The following TAFA1 variants were observed in gnomAD, a reference collection of about 807,000 sequenced individuals.
TAFA1 encodes TAFA chemokine like family member 1.
In TAFA1, 4 loss-of-function variants were observed where a neutral mutation model predicts 18.5. The ratio of observed to expected loss-of-function variants is 0.22; its 90% CI spans 0.11 to 0.49. TAFA1 has a LOEUF of 0.49. Among genes scored for constraint, TAFA1 ranks in the 20% least tolerant of loss-of-function variants. The pLI, the probability that TAFA1 is intolerant of heterozygous loss-of-function variation, is 0.98. For synonymous variants in TAFA1, 56 were observed against 55.2 expected (o/e 1.01, Z -0.06); for missense variants, 147 against 169.0 (o/e 0.87, Z 0.72).
At chr3:68,478,535 C>G (rs1186208693) in intron 3 of TAFA1, among the ~76,000 whole-genome samples, 1 of 152,294 alleles carries the variant, frequency 6.6e-6, no homozygotes, top group South Asian at 2.1e-4. Context: ...AATAGTGACT[C>G]TTCCCTTACA....
intron 2 of TAFA1, among the ~76,000 whole-genome samples, chr3:68,154,520 A>G (rs1000807663): frequency 6.6e-6 from 1 of 152,226 alleles, no homozygotes; most frequent in South Asian, 2.1e-4. Context: ...TTAGCTTATA[A>G]TATTGCAGCT....
At chr3:68,497,065 G>C (rs1205875230) in intron 3 of TAFA1, among the ~76,000 whole-genome samples, 1 of 152,106 alleles carries the variant, frequency 6.6e-6, no homozygotes, top group Non-Finnish European at 1.5e-5. Context: ...TTAGAATGAT[G>C]CCTTGTACAT....
At chr3:68,102,588 A>C (rs1200362707) in intron 2 of TAFA1, among the ~76,000 whole-genome samples, 1 of 152,188 alleles carries the variant, frequency 6.6e-6, no homozygotes, top group Non-Finnish European at 1.5e-5. Context: ...CACTCCTATA[A>C]AAAATTGTCA....
intron 2 of TAFA1, among the ~76,000 whole-genome samples, chr3:68,108,643 G>C (rs2065231014): frequency 6.6e-6 from 1 of 152,034 alleles, no homozygotes; most frequent in South Asian, 2.1e-4. Flanking sequence ...ACAGCATAAA[G>C]CTTGACAAGC....
chr3:68,436,511 A>G (rs2071271032), intron 3 of TAFA1, among the ~76,000 whole-genome samples: 1 of 152,118 alleles, frequency 6.6e-6, no homozygotes. Context: ...TAATAGGTAA[A>G]AAACTTACAA....
At chr3:68,107,953 C>T (rs2065222184) in intron 2 of TAFA1, among the ~76,000 whole-genome samples, 1 of 152,212 alleles carries the variant, frequency 6.6e-6, no homozygotes, top group East Asian at 1.9e-4. Flanking sequence ...TTAAGAACTA[C>T]ATTACCTACT....
chr3:68,205,944 C>A (rs540710453), intron 2 of TAFA1, among the ~76,000 whole-genome samples: 1 of 151,878 alleles, frequency 6.6e-6, no homozygotes, highest in Admixed American at 6.6e-5. Context: ...GAATTTATTG[C>A]AGTAGAAATG....
chr3:68,436,880 T>C (rs1044010657), intron 3 of TAFA1, among the ~76,000 whole-genome samples: 3 of 152,194 alleles, frequency 2.0e-5, no homozygotes, highest in Non-Finnish European at 4.4e-5. Flanking sequence ...TACAGCCAGC[T>C]CCACTTCTGT....
chr3:68,126,620 C>T (rs762058264), intron 2 of TAFA1, among the ~76,000 whole-genome samples: 2 of 152,136 alleles, frequency 1.3e-5, no homozygotes, highest in Non-Finnish European at 2.9e-5. Flanking sequence ...CAGGTTTGGA[C>T]AATAGATGAG....
At chr3:68,082,180 G>T (rs987905298) in intron 2 of TAFA1, among the ~76,000 whole-genome samples, 2 of 143,450 alleles carry the variant, frequency 1.4e-5, no homozygotes, top group African/African-American at 3.0e-5. Flanking sequence ...GCTCGCGCAT[G>T]GTGTGCGCAC....
At chr3:68,061,022 C>A (rs1371160254) in intron 2 of TAFA1, among the ~76,000 whole-genome samples, 1 of 152,154 alleles carries the variant, frequency 6.6e-6, no homozygotes, top group East Asian at 1.9e-4. Flanking sequence ...CTCTTTCTTG[C>A]TGGCTCTCTC....
intron 2 of TAFA1, among the ~76,000 whole-genome samples, chr3:68,211,386 C>G (rs536851566): frequency 2.0e-5 from 3 of 152,004 alleles, no homozygotes; most frequent in Non-Finnish European, 4.4e-5. Context: ...AGAGAAGATT[C>G]TAAACATACT....
At chr3:68,193,157 T>G (rs2066369478) in intron 2 of TAFA1, among the ~76,000 whole-genome samples, 1 of 151,730 alleles carries the variant, frequency 6.6e-6, no homozygotes, top group South Asian at 2.1e-4. Flanking sequence ...AGCTCCAAAG[T>G]AAGTTGGGAT....
At chr3:68,409,056 T>G (rs1046740909) in intron 2 of TAFA1, among the ~76,000 whole-genome samples, 1 of 152,146 alleles carries the variant, frequency 6.6e-6, no homozygotes, top group Non-Finnish European at 1.5e-5. Flanking sequence ...ATGTAGGAGA[T>G]GTAGGCTCAT....
At chr3:68,097,282 A>G (rs1323199939) in intron 2 of TAFA1, among the ~76,000 whole-genome samples, 1 of 152,130 alleles carries the variant, frequency 6.6e-6, no homozygotes, top group Non-Finnish European at 1.5e-5. Flanking sequence ...TTCTCATAGT[A>G]GCCCTTATTT....
chr3:68,309,484 C>T (rs2106672780), intron 2 of TAFA1, among the ~76,000 whole-genome samples: 1 of 152,268 alleles, frequency 6.6e-6, no homozygotes, highest in African/African-American at 2.4e-5. Flanking sequence ...TAACCCATGT[C>T]TATCCTATTA....
At chr3:68,357,682 A>G (rs116012065) in intron 2 of TAFA1, among the ~76,000 whole-genome samples, 1,575 of 151,982 alleles carry the variant, frequency 0.01, 24 homozygotes, top group African/African-American at 0.036. Context: ...GCTCTTGTCA[A>G]CTATATTCTT....
chr3:68,212,600 T>C (rs1258558456), intron 2 of TAFA1, among the ~76,000 whole-genome samples: 2 of 152,076 alleles, frequency 1.3e-5, no homozygotes, highest in African/African-American at 2.4e-5. Flanking sequence ...TCATACAGTA[T>C]AAGTGTGTAT....
At chr3:68,323,393 G>A (rs1166473077) in intron 2 of TAFA1, among the ~76,000 whole-genome samples, 1 of 152,138 alleles carries the variant, frequency 6.6e-6, no homozygotes, top group Non-Finnish European at 1.5e-5. Context: ...CAACACAAAT[G>A]TAAAGGAAAG....
Sources: allele counts gnomAD v4.1 joint callset (sites outside exome capture counted in the v4.1 genomes callset), GRCh38; gene constraint gnomAD v4.1.1; transcripts MANE v1.5; gene names NCBI Gene and HGNC (gene_info 2026-07-23, HGNC 2026-07-21).